Variants in SUCLA2 observed in about 807,000 individuals in gnomAD.
The protein encoded by SUCLA2 is succinate-CoA ligase ADP-forming subunit beta.
SUCLA2 carries 30 observed loss-of-function variants against 54.8 expected under a neutral mutation model. That is an observed-to-expected ratio of 0.55 (90% CI 0.41 to 0.74). The LOEUF (loss-of-function observed/expected upper bound fraction) is 0.74, where lower values mean the gene tolerates loss of function less well. Ranked by LOEUF, SUCLA2 falls within the 30% of genes least tolerant of loss-of-function variation. The pLI is 0.00. For missense variants in SUCLA2, 476 were observed against 562.9 expected, an observed-to-expected ratio of 0.85 and a Z score of 1.56; for synonymous variants, 172 against 188.9, an observed-to-expected ratio of 0.91 and a Z score of 0.74.
intron 4 of SUCLA2, among the ~76,000 whole-genome samples, chr13:47,974,081 G>T (rs1288751302): frequency 1.1e-5 from 1 of 91,758 alleles, no homozygotes; most frequent in Non-Finnish European, 2.5e-5. Context: ...AGAACTTAAA[G>T]TATAATTAAA....
intron 4 of SUCLA2, among the ~76,000 whole-genome samples, chr13:47,979,602 A>G (rs1006092349): frequency 2.0e-5 from 3 of 152,176 alleles, no homozygotes; most frequent in Non-Finnish European, 4.4e-5. Context: ...AAACCTGCAC[A>G]TTCTGCACAT....
intron 6 of SUCLA2, among the ~76,000 whole-genome samples, chr13:47,964,094 T>G (rs1309179840): frequency 1.3e-5 from 2 of 152,072 alleles, no homozygotes; most frequent in African/African-American, 4.8e-5. Flanking sequence ...AACGGTTGAA[T>G]GAAATCAGGT....
At chr13:47,968,532 C>T in intron 6 of SUCLA2, 63 bp downstream of exon 6, 1 of 1,589,934 alleles carries the variant, frequency 6.3e-7, no homozygotes, top group Non-Finnish European at 8.6e-7. Flanking sequence ...GATTTAACTT[C>T]CTTAGGGAAG....
intron 4 of SUCLA2, among the ~76,000 whole-genome samples, chr13:47,986,038 T>TG (rs1378861300): frequency 6.7e-6 from 1 of 150,030 alleles, no homozygotes; most frequent in East Asian, 1.9e-4. Context: ...AGTTTTTTTT[T>TG]TTTTTTTTTT....
At chr13:47,992,872 C>T (rs550811720) in intron 2 of SUCLA2, among the ~76,000 whole-genome samples, 1 of 152,316 alleles carries the variant, frequency 6.6e-6, no homozygotes, top group African/African-American at 2.4e-5. Flanking sequence ...GATAGGGATT[C>T]CACCTTAAAT....
intron 4 of SUCLA2, among the ~76,000 whole-genome samples, chr13:47,973,727 C>T (rs748105366): frequency 1.6e-4 from 24 of 151,994 alleles, no homozygotes; most frequent in Non-Finnish European, 1.9e-4. Flanking sequence ...AAAGAAAATG[C>T]GGCACATATA....
intron 6 of SUCLA2, among the ~76,000 whole-genome samples, chr13:47,958,155 T>A (rs1311063508): frequency 6.6e-6 from 1 of 152,144 alleles, no homozygotes; most frequent in Non-Finnish European, 1.5e-5. Context: ...TTGGCCCCAG[T>A]GTTCTTTGGA....
At chr13:47,973,205 T>C in intron 5 of SUCLA2, 59 bp downstream of exon 5, 1 of 1,432,800 alleles carries the variant, frequency 7.0e-7, no homozygotes, top group Non-Finnish European at 9.8e-7. Flanking sequence ...TGTACGGTTA[T>C]CTTTAAGTAT....
intron 10 of SUCLA2, among the ~76,000 whole-genome samples, chr13:47,943,758 GTGTGTGTGTATATATA>G (rs1334926201): frequency 8.0e-6 from 1 of 125,694 alleles, no homozygotes; most frequent in Non-Finnish European, 1.6e-5. Context: ...GTGTGTGTGT[GTGTGTGTGTATATATA>G]TATATATTAT....
intron 8 of SUCLA2, among the ~76,000 whole-genome samples, chr13:47,950,948 A>G (rs1949770836): frequency 6.6e-6 from 1 of 152,074 alleles, no homozygotes; most frequent in South Asian, 2.1e-4. Flanking sequence ...TTATTCCCAG[A>G]CCTTTAAGAA....
intron 4 of SUCLA2, among the ~76,000 whole-genome samples, chr13:47,973,851 A>C (rs1949987372): frequency 6.6e-6 from 1 of 152,142 alleles, no homozygotes; most frequent in South Asian, 2.1e-4. Context: ...AGAAAACCAA[A>C]CATCACATGT....
intron 5 of SUCLA2, 99 bp from the exon 6 acceptor site, chr13:47,968,832 CAT>C (rs1566086353): frequency 4.4e-6 from 6 of 1,352,932 alleles, no homozygotes; most frequent in Admixed American, 4.4e-5. Flanking sequence ...AAATGATAAA[CAT>C]GAGTCATTTA....
chr13:47,987,608 A>C (rs867850914), intron 4 of SUCLA2: 4 of 152,104 alleles, frequency 2.6e-5, no homozygotes, highest in Non-Finnish European at 4.4e-5. Flanking sequence ...ATACTTCCTT[A>C]TAAAAATTAA....
intron 6 of SUCLA2, among the ~76,000 whole-genome samples, chr13:47,962,446 G>T (rs1473759890): frequency 6.6e-6 from 1 of 152,222 alleles, no homozygotes; most frequent in Non-Finnish European, 1.5e-5. Flanking sequence ...CAATTTGGAA[G>T]AATCTATGGG....
chr13:47,951,925 C>T (rs1250793882), intron 8 of SUCLA2, among the ~76,000 whole-genome samples: 1 of 151,512 alleles, frequency 6.6e-6, no homozygotes, highest in African/African-American at 2.4e-5. Context: ...AAAACATACA[C>T]CACAAAACTC....
intron 6 of SUCLA2, among the ~76,000 whole-genome samples, chr13:47,963,725 C>G (rs932326499): frequency 6.6e-6 from 1 of 151,822 alleles, no homozygotes; most frequent in African/African-American, 2.4e-5. Context: ...CATACACATA[C>G]ACACACACAT....
intron 1 of SUCLA2, chr13:48,000,809 TG>T (rs1950224107): frequency 9.3e-7 from 1 of 1,070,250 alleles, no homozygotes; most frequent in Non-Finnish European, 1.2e-6. Context: ...CATTCCCCCC[TG>T]CCCAAAAAGG....
intron 6 of SUCLA2, among the ~76,000 whole-genome samples, chr13:47,963,581 G>A (rs575219901): frequency 6.0e-4 from 92 of 152,152 alleles, no homozygotes; most frequent in Admixed American, 1.8e-3. Context: ...GGAGGCGGAG[G>A]TTGCAGTGAG....
At chr13:47,972,944 G>A (rs1404108816) in intron 5 of SUCLA2, among the ~76,000 whole-genome samples, 1 of 151,466 alleles carries the variant, frequency 6.6e-6, no homozygotes, top group Admixed American at 6.6e-5. Context: ...AGAGACGGGG[G>A]TTTCACCATA....
Sources: gnomAD v4.1 joint callset for allele counts (sites outside exome capture counted in the v4.1 genomes callset) on GRCh38, gnomAD v4.1.1 for gene constraint, MANE v1.5 for transcripts, NCBI Gene and HGNC (gene_info 2026-07-23, HGNC 2026-07-21) for gene names.